Variants in SBF2 observed in about 807,000 individuals in gnomAD.
The protein encoded by SBF2 is SET binding factor 2, also known as myotubularin-related protein 13.
A neutral mutation model predicts 225.2 loss-of-function variants in SBF2; 112 were observed. That is an observed-to-expected ratio of 0.50 (90% CI 0.43 to 0.58). The LOEUF is 0.58. Among genes scored for constraint, SBF2 ranks in the 20% least tolerant of loss-of-function variants. The pLI is 0.00. For synonymous variants in SBF2, 763 were observed against 773.3 expected, an observed-to-expected ratio of 0.99 and a Z score of 0.22; for missense variants, 1,996 against 2,206.2, an observed-to-expected ratio of 0.90 and a Z score of 1.91.
At position 10,153,668 on chromosome 11, in the gene SBF2, A is replaced by G. The variant is rs140576180; in HGVS notation, c.141+40234T>C. Reference sequence around the variant, plus strand: ...AAGTAAGCAGAAGGAGGAAAATAATAAAGTTGAGAATGGAAATCAATGAAA... The same window carrying G: ...AAGTAAGCAGAAGGAGGAAAATAATGAAGTTGAGAATGGAAATCAATGAAA... On this transcript the variant is annotated intron_variant, in intron 2 of 39. Transcript: ENST00000256190. 2.4e-4 allele frequency among the ~76,000 whole-genome samples: 37 copies of G among 152,274 alleles called. No individual in the cohort carries two copies. The East Asian group carries it at 7.1e-3, about 29-fold the overall frequency.
intron 27 of SBF2, 110 bp from the exon 28 acceptor site, chr11:9,829,606 A>G (rs1855267087): frequency 6.1e-6 from 6 of 989,928 alleles, no homozygotes; most frequent in Non-Finnish European, 9.3e-6. Context: ...TTCTCTATAT[A>G]GTCTACAAGT....
chr11:9,822,676 G>C (rs1854836857), intron 28 of SBF2, among the ~76,000 whole-genome samples: 1 of 152,136 alleles, frequency 6.6e-6, no homozygotes, highest in Admixed American at 6.6e-5. Context: ...TTCCCCATAG[G>C]AATGCGTTAC....
At chr11:10,225,530 T>C (rs115809165) in intron 1 of SBF2, among the ~76,000 whole-genome samples, 2 of 152,132 alleles carry the variant, frequency 1.3e-5, no homozygotes, top group Non-Finnish European at 2.9e-5. Flanking sequence ...TGTGCTATTA[T>C]AAATAGAAAT....
chr11:9,908,552 G>A (rs10840323), intron 16 of SBF2, among the ~76,000 whole-genome samples: 31,128 of 151,954 alleles, frequency 0.2, 4,054 homozygotes, highest in Non-Finnish European at 0.3. Flanking sequence ...GCGTGAACCC[G>A]GGAGGCGGAG....
chr11:9,871,470 C>CTTATTATTA (rs375904547), intron 17 of SBF2, among the ~76,000 whole-genome samples: 42,839 of 136,588 alleles, frequency 0.31, 7,536 homozygotes, highest in Non-Finnish European at 0.39. Flanking sequence ...CAGGATGACG[C>CTTATTATTA]TTATTATTAT....
At chr11:9,858,430 CTGGCAGAA>C in intron 17 of SBF2, 34 bp from the exon 18 acceptor site, 1 of 1,609,458 alleles carries the variant, frequency 6.2e-7, no homozygotes, top group African/African-American at 1.3e-5. Context: ...CATCATGGGG[CTGGCAGAA>C]TTATAACAGT....
At chr11:10,280,889 G>T (rs1963364412) in intron 1 of SBF2, among the ~76,000 whole-genome samples, 1 of 152,180 alleles carries the variant, frequency 6.6e-6, no homozygotes, top group African/African-American at 2.4e-5. Flanking sequence ...CCAAAAATTG[G>T]ACAGATATAG....
intron 16 of SBF2, among the ~76,000 whole-genome samples, chr11:9,918,912 C>CTG (rs1345296675): frequency 6.6e-6 from 1 of 151,674 alleles, no homozygotes; most frequent in African/African-American, 2.4e-5. Flanking sequence ...CTAATTTTTT[C>CTG]TATTTTTTTT....
chr11:10,135,409 C>G (rs1230752883), intron 2 of SBF2, among the ~76,000 whole-genome samples: 1 of 152,234 alleles, frequency 6.6e-6, no homozygotes, highest in African/African-American at 2.4e-5. Context: ...CAAATTTCTG[C>G]AGCTGGCTTG....
chr11:10,107,949 G>A (rs1952625334), intron 2 of SBF2, among the ~76,000 whole-genome samples: 1 of 152,172 alleles, frequency 6.6e-6, no homozygotes, highest in Admixed American at 6.5e-5. Context: ...CTGGAGATGG[G>A]GAGGGATTAG....
chr11:10,096,507 T>C (rs1378830655), intron 2 of SBF2, among the ~76,000 whole-genome samples: 1 of 151,318 alleles, frequency 6.6e-6, no homozygotes, highest in African/African-American at 2.4e-5. Flanking sequence ...GCTATTTAAA[T>C]CTAAATTCCT....
chr11:9,920,304 G>C (rs4910081), intron 16 of SBF2, among the ~76,000 whole-genome samples: 1 of 151,586 alleles, frequency 6.6e-6, no homozygotes. Context: ...GAAGGGGGAA[G>C]AATTTACTCT....
At chr11:10,056,232 T>C (rs1189270553) in intron 2 of SBF2, among the ~76,000 whole-genome samples, 2 of 152,174 alleles carry the variant, frequency 1.3e-5, no homozygotes, top group Non-Finnish European at 2.9e-5. Context: ...AAGTTCCTTT[T>C]TGGTTCCATA....
At chr11:9,814,559 T>C (rs1273945349) in intron 29 of SBF2, among the ~76,000 whole-genome samples, 1 of 152,200 alleles carries the variant, frequency 6.6e-6, no homozygotes, top group African/African-American at 2.4e-5. Context: ...TGTAATTTTA[T>C]ATACAGAAGA....
At chr11:10,083,762 C>G (rs1460911804) in intron 2 of SBF2, among the ~76,000 whole-genome samples, 1 of 152,056 alleles carries the variant, frequency 6.6e-6, no homozygotes, top group African/African-American at 2.4e-5. Context: ...AGACCTGAAA[C>G]TATAAAAAAA....
chr11:9,833,310 C>T (rs10840311), intron 26 of SBF2, among the ~76,000 whole-genome samples: 80,867 of 151,958 alleles, frequency 0.53, 23,846 homozygotes, highest in Non-Finnish European at 0.67. Context: ...TGCAAGAAGA[C>T]AGGCAGGTTT....
intron 1 of SBF2, among the ~76,000 whole-genome samples, chr11:10,195,158 T>G (rs1957312859): frequency 6.6e-6 from 1 of 152,160 alleles, no homozygotes; most frequent in Admixed American, 6.5e-5. Flanking sequence ...GAATGGGGAT[T>G]GTCCTGTGCA....
At chr11:10,147,961 C>A (rs1954966108) in intron 2 of SBF2, among the ~76,000 whole-genome samples, 1 of 152,164 alleles carries the variant, frequency 6.6e-6, no homozygotes, top group African/African-American at 2.4e-5. Flanking sequence ...GAATAACATT[C>A]ACTTCTGATA....
At chr11:9,976,973 T>A (rs776789821) in intron 13 of SBF2, among the ~76,000 whole-genome samples, 9 of 152,008 alleles carry the variant, frequency 5.9e-5, no homozygotes, top group Non-Finnish European at 1.0e-4. Context: ...GGTTTCACCG[T>A]GGTCTCGATT....
Sources: gnomAD v4.1 joint callset for allele counts (sites outside exome capture counted in the v4.1 genomes callset) on GRCh38, gnomAD v4.1.1 for gene constraint, MANE v1.5 for transcripts, NCBI Gene and HGNC (gene_info 2026-07-23, HGNC 2026-07-21) for gene names.